The following KCNK9 variants were observed in gnomAD, a reference collection of about 807,000 sequenced individuals.
The protein encoded by KCNK9 is potassium channel subfamily K member 9.
KCNK9 carries 1 observed loss-of-function variant against 10.8 expected under a neutral mutation model. That is an observed-to-expected ratio of 0.09 (90% CI 0.03 to 0.44). The LOEUF is 0.44. Among genes scored for constraint, KCNK9 ranks in the 20% least tolerant of loss-of-function variants. The pLI is 0.97. For missense variants in KCNK9, 303 were observed against 515.0 expected (o/e 0.59, Z 3.98); for synonymous variants, 231 against 222.7 (o/e 1.04, Z -0.33).
chr8:139,684,088 G>C (rs1485805267), intron 1 of KCNK9, among the ~76,000 whole-genome samples: 1 of 152,154 alleles, frequency 6.6e-6, no homozygotes, highest in Non-Finnish European at 1.5e-5. Flanking sequence ...GGTGGTCCTG[G>C]ACAGTGTCCC....
chr8:139,623,991 C>A (rs150847079), intron 1 of KCNK9, among the ~76,000 whole-genome samples: 175 of 152,250 alleles, frequency 1.1e-3, no homozygotes, highest in Non-Finnish European at 2.1e-3. Flanking sequence ...ACAACCGCCC[C>A]GCAAGAGGCC....
At chr8:139,627,936 G>C (rs980851900) in intron 1 of KCNK9, among the ~76,000 whole-genome samples, 2 of 152,216 alleles carry the variant, frequency 1.3e-5, no homozygotes, top group African/African-American at 4.8e-5. Context: ...CAGGACGGTG[G>C]GCCAGGGTGA....
chr8:139,669,140 A>G (rs972201255), intron 1 of KCNK9, among the ~76,000 whole-genome samples: 3 of 152,026 alleles, frequency 2.0e-5, no homozygotes, highest in Non-Finnish European at 2.9e-5. Flanking sequence ...GCTAATGATC[A>G]TCTGAGCCTT....
chr8:139,696,537 C>T lies in KCNK9; in HGVS notation c.283+6173G>A, dbSNP rs538389633. 1.1e-4 allele frequency among the ~76,000 whole-genome samples: 16 copies of T among 152,230 alleles called. 1 individual carries two copies. The South Asian group carries it at 3.3e-3, about 32-fold the overall frequency. On this transcript the variant is annotated intron_variant, in intron 1 of 1. Coordinates refer to ENST00000520439, the MANE Select transcript of KCNK9 (RefSeq NM_001282534.2). ...TGTGCCTGCTCACCACCGTGTGCCTCCCACCAGCACAGGGCTCCCACCCAG... is the reference window on the plus strand; with the variant it reads ...TGTGCCTGCTCACCACCGTGTGCCTTCCACCAGCACAGGGCTCCCACCCAG...
rs1411515239 is a variant in KCNK9, at chr8:139,687,383, TGAA to T, written c.283+15324_283+15326del. On this transcript the variant is annotated intron_variant, in intron 1 of 1. Coordinates refer to ENST00000520439, the MANE Select transcript of KCNK9 (RefSeq NM_001282534.2). ...ACATATATATGTGTATACATATATA[TGAA>T]TATATATGTGTATACATATATATTC... Among the ~76,000 whole-genome samples, 211 of 129,160 alleles carry T rather than the reference TGAA, an allele frequency of 1.6e-3. 32 individuals carry two copies. The highest frequency in any genetic ancestry group is 2.3e-3 in the South Asian group (9 of 3,982). 84.7% of individuals were successfully genotyped at this position (129,160 alleles called of 152,430 possible).
chr8:139,651,619 G>A lies in KCNK9; in HGVS notation c.284-32520C>T, dbSNP rs115215631. Among the ~76,000 whole-genome samples the A allele has an allele frequency of 9.1e-4, 139 of 152,270 alleles. 1 individual carries two copies. Among genetic ancestry groups the A allele is most frequent in the African/African-American group, 3.2e-3 (131 of 41,536 alleles). ...AGACTGGTGTTGGACCTTCTGTAGC[G>A]GATGGATGGGAGTCAAGGATGGAGG... On this transcript the variant is annotated intron_variant, in intron 1 of 1. Transcript: ENST00000520439.
chr8:139,632,726 G>A (rs149345478), intron 1 of KCNK9, among the ~76,000 whole-genome samples: 2 of 152,266 alleles, frequency 1.3e-5, no homozygotes, highest in African/African-American at 4.8e-5. Flanking sequence ...GTGGGATGGT[G>A]CCTCCAGCTG....
intron 1 of KCNK9, among the ~76,000 whole-genome samples, chr8:139,677,921 C>T (rs1053160079): frequency 1.4e-5 from 2 of 146,606 alleles, no homozygotes; most frequent in Non-Finnish European, 2.9e-5. Flanking sequence ...CCCACAGCTA[C>T]AGAGTAATAC....
intron 1 of KCNK9, among the ~76,000 whole-genome samples, chr8:139,629,776 C>T (rs1815103086): frequency 6.6e-6 from 1 of 152,182 alleles, no homozygotes. Context: ...ACAGTGTCCC[C>T]ATATCCCTTA....
In KCNK9 at chr8:139,618,158, C is replaced by A; in HGVS notation, c.*100G>T. The stretch of plus-strand genomic sequence containing the variant: ...GAAGGAGAGAAAGTAATAATGATGA[C>A]AATAATAATAATAAATAAATAAGAA... On this transcript the variant is annotated 3_prime_UTR_variant, in exon 2 of 2. Transcript: ENST00000520439. The surrounding 1 kb of genome is among the most constrained non-coding windows in gnomAD (Gnocchi z 7.9). 2 of 1,448,972 alleles carry A rather than the reference C, an allele frequency of 1.4e-6. No individual in the cohort carries two copies. The highest frequency in any genetic ancestry group is 1.9e-6 in the Non-Finnish European group (2 of 1,048,516). 89.8% of individuals were successfully genotyped at this position (1,448,972 alleles called of 1,614,324 possible). A position where few individuals can be genotyped will look rare whatever the true frequency, so the allele number is the denominator to read the frequency against.
intron 1 of KCNK9, among the ~76,000 whole-genome samples, chr8:139,646,672 T>G (rs1254140248): frequency 6.6e-6 from 1 of 152,236 alleles, no homozygotes; most frequent in Admixed American, 6.5e-5. Flanking sequence ...GCTGACTGAC[T>G]GAATGAATGA....
intron 1 of KCNK9, among the ~76,000 whole-genome samples, chr8:139,700,846 A>G (rs1316737488): frequency 1.3e-5 from 2 of 152,178 alleles, no homozygotes; most frequent in Non-Finnish European, 2.9e-5. Context: ...TTTCTTAAGG[A>G]AAACTGGCAC....
intron 1 of KCNK9, among the ~76,000 whole-genome samples, chr8:139,677,499 G>C (rs1270956326): frequency 6.6e-6 from 1 of 151,522 alleles, no homozygotes; most frequent in African/African-American, 2.4e-5. Context: ...AGGGCCAAGG[G>C]AGAACACAAT....
chr8:139,682,335 TGAA>T (rs1453255074), intron 1 of KCNK9, among the ~76,000 whole-genome samples: 14 of 152,068 alleles, frequency 9.2e-5, no homozygotes, highest in Non-Finnish European at 1.6e-4. Flanking sequence ...CCCTGGGAGA[TGAA>T]GAAGAGAGTC....
Position 139,702,677 on chromosome 8 carries a change from G to T in KCNK9, c.283+33C>A. On this transcript the variant is annotated intron_variant, in intron 1 of 1. Transcript: ENST00000520439. The surrounding 1 kb of genome is among the most constrained non-coding windows in gnomAD (Gnocchi z 7.5). Reference sequence around the variant, plus strand: ...GCCGCCTCCCCGGACTCCTCCCGGGGCGCGGGAGCCCAGCGGCGCGCCCAG... The same window carrying T: ...GCCGCCTCCCCGGACTCCTCCCGGGTCGCGGGAGCCCAGCGGCGCGCCCAG... The T allele has an allele frequency of 2.5e-6, 4 of 1,582,272 alleles. No homozygotes were observed. The highest frequency in any genetic ancestry group is 8.6e-7 in the Non-Finnish European group (1 of 1,169,074).
intron 1 of KCNK9, among the ~76,000 whole-genome samples, chr8:139,696,190 A>T (rs1038106622): frequency 6.6e-6 from 1 of 152,070 alleles, no homozygotes; most frequent in Non-Finnish European, 1.5e-5. Context: ...CCACTTCATT[A>T]TGTGTTACAT....
chr8:139,666,840 A>T (rs992425815), intron 1 of KCNK9, among the ~76,000 whole-genome samples: 4 of 152,174 alleles, frequency 2.6e-5, no homozygotes, highest in African/African-American at 9.7e-5. Context: ...TTTCAGCCTT[A>T]AGGCACCTGC....
In KCNK9 at chr8:139,694,694, C is replaced by G. The variant is rs1817010549; in HGVS notation, c.283+8016G>C. ...GTCACACCAACATTCCACCCATCAC[C>G]TGCCACCCCAAACTTCAGCCCACCC... On this transcript the variant is annotated intron_variant, in intron 1 of 1. Coordinates refer to ENST00000520439, the MANE Select transcript of KCNK9 (RefSeq NM_001282534.2). Among the ~76,000 whole-genome samples the G allele has an allele frequency of 4.6e-5, 7 of 152,352 alleles. No individual in the cohort carries two copies. In the South Asian group the frequency reaches 1.4e-3, roughly 32 times the overall value.
At chr8:139,689,604 C>T (rs1303424727) in intron 1 of KCNK9, among the ~76,000 whole-genome samples, 1 of 151,132 alleles carries the variant, frequency 6.6e-6, no homozygotes, top group Non-Finnish European at 1.5e-5. Context: ...GCAAAAGAGT[C>T]GTCACTTGCA....
Sources: gnomAD v4.1 joint callset for allele counts (sites outside exome capture counted in the v4.1 genomes callset) on GRCh38, gnomAD v4.1.1 for gene constraint, Gnocchi (gnomAD v3.1) non-coding constraint, MANE v1.5 for transcripts, NCBI Gene and HGNC (gene_info 2026-07-23, HGNC 2026-07-21) for gene names.